Variants in FLRT1 observed in about 807,000 individuals in gnomAD.
The protein encoded by FLRT1 is leucine-rich repeat transmembrane protein FLRT1.
In FLRT1, 14 loss-of-function variants were observed where a neutral mutation model predicts 30.9. The ratio of observed to expected loss-of-function variants is 0.45; its 90% CI spans 0.30 to 0.71. FLRT1 has a LOEUF of 0.71. Ranked by LOEUF, FLRT1 falls within the 30% of genes least tolerant of loss-of-function variation. FLRT1 has a pLI of 0.08. For missense variants in FLRT1, 737 were observed against 949.2 expected, an observed-to-expected ratio of 0.78 and a Z score of 2.94; for synonymous variants, 368 against 430.4, an observed-to-expected ratio of 0.85 and a Z score of 1.80.
rs1945007573 is a variant in FLRT1 at position 64,117,367 on chromosome 11, C to A, written c.1100C>A (p.Ala367Asp). ...CQGPEKVRGM[A>D]IKDITSEMDE... Reference sequence around the variant, plus strand: ...GGCCCTGAGAAGGTCCGGGGCATGGCCATCAAGGACATTACCAGCGAGATG... The same window carrying A: ...GGCCCTGAGAAGGTCCGGGGCATGGACATCAAGGACATTACCAGCGAGATG... The change falls in exon 3 of 3, where the codon GCC (alanine) becomes GAC (aspartate). Residue 367 changes from alanine (A) to aspartate (D), a missense_variant. Ala to Asp is a moderately radical substitution (Grantham distance 126). Coordinates refer to ENST00000682287, the MANE Select transcript of FLRT1 (RefSeq NM_013280.5). 6.2e-7 allele frequency: 1 copy of A among 1,613,012 alleles called. No homozygotes were observed. Among genetic ancestry groups the A allele is most frequent in the Non-Finnish European group, 8.5e-7 (1 of 1,179,300 alleles).
rs1485801419 is a variant in FLRT1, at chr11:64,104,132, C to T, written c.-99C>T. On this transcript the variant is annotated 5_prime_UTR_variant, in exon 2 of 3. Transcript: ENST00000682287. Reference sequence around the variant, plus strand: ...GTGACTTTGGCAGGGGCCTCCGGACCAGTGACCCCAGTCAAACCCAGAGGG... The same window carrying T: ...GTGACTTTGGCAGGGGCCTCCGGACTAGTGACCCCAGTCAAACCCAGAGGG... 1 of 152,306 alleles carries T rather than the reference C, an allele frequency of 6.6e-6. No individual in the cohort carries two copies. The highest frequency in any genetic ancestry group is 1.9e-4 in the East Asian group (1 of 5,276). 9.4% of individuals were successfully genotyped at this position (152,306 alleles called of 1,614,324 possible).
chr11:64,118,582 G>A lies in FLRT1; in HGVS notation c.*290G>A. 3.1e-6 allele frequency: 1 copy of A among 327,820 alleles called. No homozygotes were observed. The highest frequency in any genetic ancestry group is 5.8e-6 in the Non-Finnish European group (1 of 171,508). The allele number at this position is 327,820 out of a possible 1,614,324, so 20.3% of individuals were successfully genotyped here. The stretch of plus-strand genomic sequence containing the variant: ...AGGACTAAAAATAATATTGCAGGCA[G>A]GGCTGGGTTGGGTTTTTTTTTTTTC... On this transcript the variant is annotated 3_prime_UTR_variant, in exon 3 of 3. Transcript: ENST00000682287.
At chr11:64,103,028 G>T (rs1223899026) in intron 1 of FLRT1, among the ~76,000 whole-genome samples, 166 bp from the exon 2 acceptor site, 2 of 151,552 alleles carry the variant, frequency 1.3e-5, no homozygotes, top group African/African-American at 4.9e-5. Context: ...CCGAGATTGT[G>T]CCACTGCACT....
chr11:64,056,293 C>T (rs1943784214), intron 1 of FLRT1, among the ~76,000 whole-genome samples: 1 of 152,090 alleles, frequency 6.6e-6, no homozygotes, highest in African/African-American at 2.4e-5. Flanking sequence ...AGGGTCCCTG[C>T]TGCAGCCCCT....
intron 1 of FLRT1, among the ~76,000 whole-genome samples, chr11:64,050,075 G>A (rs150135623): frequency 3.9e-5 from 6 of 152,242 alleles, no homozygotes; most frequent in East Asian, 1.9e-4. Context: ...CTCTTCCCTC[G>A]AGATCTCTCC....
intron 1 of FLRT1, among the ~76,000 whole-genome samples, chr11:64,086,058 C>A (rs1226266220): frequency 6.6e-6 from 1 of 152,198 alleles, no homozygotes; most frequent in Non-Finnish European, 1.5e-5. Flanking sequence ...GCCCTCCCTC[C>A]CTATGGAGCC....
At chr11:64,097,320 G>A (rs889069272) in intron 1 of FLRT1, among the ~76,000 whole-genome samples, 2 of 152,242 alleles carry the variant, frequency 1.3e-5, no homozygotes, top group Admixed American at 6.5e-5. Context: ...CCAAGGGATG[G>A]GTGAACTCCC....
At chr11:64,115,833 A>G (rs1369226988) in intron 2 of FLRT1, among the ~76,000 whole-genome samples, 1 of 152,190 alleles carries the variant, frequency 6.6e-6, no homozygotes, top group Non-Finnish European at 1.5e-5. Context: ...TGGTACCTTT[A>G]GCGTTGGCCA....
rs2134520086 is a variant in FLRT1, at chr11:64,090,310, T to C, written c.-1037-12884T>C. Among the ~76,000 whole-genome samples, 1 of 152,304 alleles carries C rather than the reference T, an allele frequency of 6.6e-6. No homozygotes were observed. The highest frequency in any genetic ancestry group is 1.5e-5 in the Non-Finnish European group (1 of 68,008). On this transcript the variant is annotated intron_variant, in intron 1 of 2. Coordinates refer to ENST00000682287, the MANE Select transcript of FLRT1 (RefSeq NM_013280.5). The surrounding 1 kb of genome is among the most constrained non-coding windows in gnomAD (Gnocchi z 4.7). Reference sequence around the variant, plus strand: ...CTTTTCCCGTCTGGGAGTCTAATAGTCAGCAGTTATTTATCGTCTCGTTTC... The same window carrying C: ...CTTTTCCCGTCTGGGAGTCTAATAGCCAGCAGTTATTTATCGTCTCGTTTC...
At chr11:64,103,088 A>G (rs569734924) in intron 1 of FLRT1, 106 bp from the exon 2 acceptor site, 1 of 152,298 alleles carries the variant, frequency 6.6e-6, no homozygotes, top group Non-Finnish European at 1.5e-5. Context: ...AAACAAAAAA[A>G]CAGGATCCAA....
chr11:64,105,008 C>T (rs1944733914), intron 2 of FLRT1, among the ~76,000 whole-genome samples: 1 of 152,244 alleles, frequency 6.6e-6, no homozygotes, highest in Non-Finnish European at 1.5e-5. Flanking sequence ...CACGCTCTTC[C>T]TCAGGAGAGG....
At chr11:64,076,691 G>A (rs185511377) in intron 1 of FLRT1, among the ~76,000 whole-genome samples, 19 of 152,314 alleles carry the variant, frequency 1.2e-4, no homozygotes, top group African/African-American at 4.3e-4. Flanking sequence ...CTCAGAAAGA[G>A]GTTGGTCCTC....
chr11:64,041,153 C>T (rs1943476530), intron 1 of FLRT1, among the ~76,000 whole-genome samples: 1 of 134,852 alleles, frequency 7.4e-6, no homozygotes, highest in South Asian at 2.4e-4. Flanking sequence ...CCTCCTTCTG[C>T]CTGAATTAAT....
At chr11:64,070,000 G>A (rs1320640855) in intron 1 of FLRT1, among the ~76,000 whole-genome samples, 1 of 152,188 alleles carries the variant, frequency 6.6e-6, no homozygotes, top group Non-Finnish European at 1.5e-5. Flanking sequence ...CCAGGAAGCT[G>A]GGGGACAGGC....
rs5792312 is a variant in FLRT1, at chr11:64,118,927, T to TA, written c.*647dup. ...TTCTTTGAACAATCATGTAGTCGAT[T>TA]AAAAAAAAAAAACAAACTTTTTTTT... is the stretch of plus-strand genomic sequence containing the variant. On this transcript the variant is annotated 3_prime_UTR_variant, in exon 3 of 3. Transcript: ENST00000682287. 3.8e-3 allele frequency: 590 copies of TA among 156,066 alleles called. 1 individual carries two copies. The highest frequency in any genetic ancestry group is 3.5e-3 in the Middle Eastern group (1 of 288). The allele number at this position is 156,066 out of a possible 1,614,324, so 9.7% of individuals were successfully genotyped here.
Position 64,119,030 on chromosome 11 carries a change from C to G in FLRT1, c.*738C>G. 6.0e-6 allele frequency: 1 copy of G among 167,384 alleles called. No individual in the cohort carries two copies. 10.4% of individuals were successfully genotyped at this position (167,384 alleles called of 1,614,324 possible). On this transcript the variant is annotated 3_prime_UTR_variant, in exon 3 of 3. Transcript: ENST00000682287. ...GCGGAAGCCGTAGCTTTCCCTGCCACCTGGAGGTGCATCTGTCTGCCTGTC... is the reference window on the plus strand; with the variant it reads ...GCGGAAGCCGTAGCTTTCCCTGCCAGCTGGAGGTGCATCTGTCTGCCTGTC...
rs189836607 is a variant in FLRT1 at position 64,090,570 on chromosome 11, G to A, written c.-1037-12624G>A. 6.6e-5 allele frequency among the ~76,000 whole-genome samples: 10 copies of A among 152,308 alleles called. No homozygotes were observed. The highest frequency in any genetic ancestry group is 4.6e-4 in the Admixed American group (7 of 15,310). On this transcript the variant is annotated intron_variant, in intron 1 of 2. Coordinates refer to ENST00000682287, the MANE Select transcript of FLRT1 (RefSeq NM_013280.5). The surrounding 1 kb of genome is among the most constrained non-coding windows in gnomAD (Gnocchi z 4.7). ...ACAGGTGGCTGGGCCAGGAGGCTCC[G>A]GGATGAGGCAGGAAGTGGAGGCTGT...
intron 1 of FLRT1, among the ~76,000 whole-genome samples, chr11:64,065,789 C>CAAAA (rs58096977): frequency 4.4e-5 from 3 of 67,558 alleles, no homozygotes; most frequent in African/African-American, 1.3e-4. Flanking sequence ...GACTCCGCCT[C>CAAAA]AAAAAAAAAA....
chr11:64,116,395 C>T lies in FLRT1; in HGVS notation c.128C>T (p.Ala43Val), dbSNP rs767018690. The part of the protein sequence containing the change: ...DWLFLCYGLI[A>V]FLTEVIDSTT... ...CTGTTCCTCTGCTACGGGCTCATCG[C>T]CTTCCTGACGGAGGTCATCGACAGC... Residue 43 changes from alanine (A) to valine (V), a missense_variant, in exon 3 of 3, where the codon GCC becomes GTC. Physicochemically the swap from Ala to Val is moderately conservative, Grantham distance 64 (BLOSUM62 0). Transcript: ENST00000682287. 3 of 1,613,868 alleles carry T rather than the reference C, an allele frequency of 1.9e-6. No individual in the cohort carries two copies. In the Admixed American group the frequency reaches 5.0e-5, roughly 27 times the overall value.
Sources: allele counts gnomAD v4.1 joint callset (sites outside exome capture counted in the v4.1 genomes callset), GRCh38; gene constraint gnomAD v4.1.1; non-coding constraint Gnocchi (gnomAD v3.1); transcripts MANE v1.5; gene names NCBI Gene and HGNC (gene_info 2026-07-23, HGNC 2026-07-21).